The following MED6 variants were observed in gnomAD, a reference collection of about 807,000 sequenced individuals.
MED6 encodes mediator complex subunit 6.
In MED6, 33 loss-of-function variants were observed where a neutral mutation model predicts 37.5. The ratio of observed to expected loss-of-function variants is 0.88; its 90% CI spans 0.67 to 1.18. MED6 has a LOEUF of 1.18. Among genes scored for constraint, MED6 ranks in the 50% most tolerant of loss-of-function variants. The pLI is 0.00. For missense variants in MED6, 235 were observed against 290.6 expected, an observed-to-expected ratio of 0.81 and a Z score of 1.39; for synonymous variants, 94 against 93.6, an observed-to-expected ratio of 1.00 and a Z score of -0.02.
intron 3 of MED6, chr14:70,594,812 C>A: frequency 3.2e-6 from 2 of 627,750 alleles, no homozygotes; most frequent in Non-Finnish European, 5.9e-6. Context: ...AAGCCTGAAC[C>A]TACCCTGGTT....
At chr14:70,595,433 G>A (rs1217963909) in intron 3 of MED6, 3 of 583,454 alleles carry the variant, frequency 5.1e-6, no homozygotes, top group East Asian at 7.1e-5. Context: ...TCACGGAGCT[G>A]AGAGGTACGG....
chr14:70,591,209 A>G (rs1884859735), intron 6 of MED6, 57 bp downstream of exon 6: 1 of 1,273,312 alleles, frequency 7.9e-7, no homozygotes, highest in Non-Finnish European at 1.1e-6. Context: ...ATTAAAAATT[A>G]ATATATATGC....
chr14:70,587,035 AT>A (rs1199268051), intron 6 of MED6, among the ~76,000 whole-genome samples: 2 of 152,164 alleles, frequency 1.3e-5, no homozygotes, highest in Admixed American at 6.5e-5. Flanking sequence ...AGGTTGTGAA[AT>A]TTTGGTATGT....
At chr14:70,593,097 C>T (rs1884933138) in intron 4 of MED6, 109 bp from the exon 5 acceptor site, 2 of 1,449,712 alleles carry the variant, frequency 1.4e-6, no homozygotes, top group Non-Finnish European at 1.9e-6. Flanking sequence ...TTTTTCAGAA[C>T]CTAAATTACT....
Position 70,595,342 on chromosome 14 carries a change from A to G in MED6, c.274+1269T>C, listed in dbSNP as rs1271860950. 3 of 558,632 alleles carry G rather than the reference A, an allele frequency of 5.4e-6. No homozygotes were observed. In the African/African-American group the frequency reaches 5.5e-5, roughly 10 times the overall value. The allele number at this position is 558,632 out of a possible 1,614,324, so 34.6% of individuals were successfully genotyped here. A position where few individuals can be genotyped will look rare whatever the true frequency, so the allele number is the denominator to read the frequency against. On this transcript the variant is annotated intron_variant, in intron 3 of 7. Coordinates refer to ENST00000256379, the MANE Select transcript of MED6 (RefSeq NM_005466.4). ...CAGAAGAACTGAGAGGAGCTAGACA[A>G]GTACTGGTCTCAGCAGATTGAGGAG...
intron 3 of MED6, among the ~76,000 whole-genome samples, chr14:70,593,678 AT>A (rs1884953106): frequency 6.6e-6 from 1 of 152,184 alleles, no homozygotes; most frequent in Non-Finnish European, 1.5e-5. Context: ...TGCTTCTCAA[AT>A]TTTAATGTGC....
At chr14:70,593,119 A>T in intron 4 of MED6, 131 bp from the exon 5 acceptor site, 1 of 1,341,650 alleles carries the variant, frequency 7.5e-7, no homozygotes, top group Non-Finnish European at 1.0e-6. Context: ...TATAATTGAG[A>T]CTATGAAATA....
rs963547643 is a variant in MED6, at chr14:70,583,434, T to C, written c.*1379A>G. The C allele has an allele frequency of 3.3e-5, 5 of 152,242 alleles. No individual in the cohort carries two copies. Among genetic ancestry groups the C allele is most frequent in the African/African-American group, 4.8e-5 (2 of 41,462 alleles). 9.4% of individuals were successfully genotyped at this position (152,242 alleles called of 1,614,324 possible). A position where few individuals can be genotyped will look rare whatever the true frequency, so the allele number is the denominator to read the frequency against. ...GTGGTAGCAATTCTGGAAAACCTGA[T>C]ACATACTTTCAAACTTCGCTGTTTG... On this transcript the variant is annotated 3_prime_UTR_variant, in exon 8 of 8. Transcript: ENST00000256379.
chr14:70,594,369 G>A (rs961742870), intron 3 of MED6, among the ~76,000 whole-genome samples: 3 of 152,162 alleles, frequency 2.0e-5, no homozygotes, highest in African/African-American at 4.8e-5. Flanking sequence ...TATAACCCAC[G>A]CAAGGCTTTT....
In MED6 at chr14:70,584,958, T is replaced by C. The variant is rs1208846577; in HGVS notation, c.611-15A>G. Reference sequence around the variant, plus strand: ...TGTTTGATCCACTAGATATCAAAAGTAGATTTTTTGGGAGGGAGATATGGG... The same window carrying C: ...TGTTTGATCCACTAGATATCAAAAGCAGATTTTTTGGGAGGGAGATATGGG... On this transcript the variant is annotated splice_polypyrimidine_tract_variant and intron_variant, in intron 7 of 7. Transcript: ENST00000256379. 6.2e-7 allele frequency: 1 copy of C among 1,610,470 alleles called. No individual in the cohort carries two copies. Among genetic ancestry groups the C allele is most frequent in the Non-Finnish European group, 8.5e-7 (1 of 1,178,934 alleles).
intron 3 of MED6, among the ~76,000 whole-genome samples, chr14:70,593,832 G>T (rs1186022875): frequency 6.6e-6 from 1 of 152,122 alleles, no homozygotes; most frequent in Non-Finnish European, 1.5e-5. Context: ...AGACAGACTG[G>T]GGGGTCCAGT....
At chr14:70,588,736 TAA>T (rs1884787637) in intron 6 of MED6, among the ~76,000 whole-genome samples, 2 of 130,942 alleles carry the variant, frequency 1.5e-5, no homozygotes, top group Admixed American at 7.4e-5. Context: ...ATAATAATAA[TAA>T]TAATTGGGAG....
chr14:70,583,701 G>T lies in MED6; in HGVS notation c.*1112C>A. ...GAGATACAATCATTTACAGAAATTC[G>T]GACACTAAAACAGTCTATAAAAACT... On this transcript the variant is annotated 3_prime_UTR_variant, in exon 8 of 8. Coordinates refer to ENST00000256379, the MANE Select transcript of MED6 (RefSeq NM_005466.4). 1 of 162,676 alleles carries T rather than the reference G, an allele frequency of 6.1e-6. No individual in the cohort carries two copies. The allele number at this position is 162,676 out of a possible 1,614,324, so 10.1% of individuals were successfully genotyped here.
At chr14:70,586,499 A>C (rs1046062171) in intron 6 of MED6, among the ~76,000 whole-genome samples, 1 of 152,204 alleles carries the variant, frequency 6.6e-6, no homozygotes, top group Non-Finnish European at 1.5e-5. Flanking sequence ...CAGGATGCCA[A>C]CACCACCAAC....
rs538786517 is a variant in MED6, at chr14:70,594,350, A to G, written c.275-972T>C. Among the ~76,000 whole-genome samples the G allele has an allele frequency of 3.3e-5, 5 of 152,360 alleles. No individual in the cohort carries two copies. The South Asian group carries it at 6.2e-4, about 19-fold the overall frequency. On this transcript the variant is annotated intron_variant, in intron 3 of 7. Coordinates refer to ENST00000256379, the MANE Select transcript of MED6 (RefSeq NM_005466.4). The stretch of plus-strand genomic sequence containing the variant: ...AGTGTTGTTTCTAAACCAAGCTTTC[A>G]GTAGGTAGTATAACCCACGCAAGGC...
At chr14:70,591,792 TTCACAAACTCAA>T (rs1288055208) in intron 5 of MED6, 1 of 153,976 alleles carries the variant, frequency 6.5e-6, no homozygotes, top group Non-Finnish European at 1.4e-5. Flanking sequence ...AAATGCAGGT[TTCACAAACTCAA>T]GCTACCATAT....
At chr14:70,600,391 T>C (rs1183348125) in intron 1 of MED6, among the ~76,000 whole-genome samples, 1 of 151,802 alleles carries the variant, frequency 6.6e-6, no homozygotes, top group Admixed American at 6.5e-5. Flanking sequence ...CCAGAGCTTC[T>C]TCCAACCCCT....
chr14:70,588,907 A>G (rs950683085), intron 6 of MED6, among the ~76,000 whole-genome samples: 5 of 152,050 alleles, frequency 3.3e-5, no homozygotes, highest in African/African-American at 1.2e-4. Flanking sequence ...TATTTTAAGA[A>G]TCAAGAGAGT....
In MED6 at chr14:70,584,690, A is replaced by G. The variant is rs1884650464; in HGVS notation, c.*123T>C. 1 of 1,313,192 alleles carries G rather than the reference A, an allele frequency of 7.6e-7. No homozygotes were observed. Among genetic ancestry groups the G allele is most frequent in the East Asian group, 2.4e-5 (1 of 41,272 alleles). 81.3% of individuals were successfully genotyped at this position (1,313,192 alleles called of 1,614,324 possible). ...CACATCCGGCCTAATATCCTTTCAA[A>G]AAATAAGCGCATTCCATACAAATAA... On this transcript the variant is annotated 3_prime_UTR_variant, in exon 8 of 8. Coordinates refer to ENST00000256379, the MANE Select transcript of MED6 (RefSeq NM_005466.4).
Sources: gnomAD v4.1 joint callset for allele counts (sites outside exome capture counted in the v4.1 genomes callset) on GRCh38, gnomAD v4.1.1 for gene constraint, MANE v1.5 for transcripts, NCBI Gene and HGNC (gene_info 2026-07-23, HGNC 2026-07-21) for gene names.